Variants in LPA observed in about 807,000 individuals in gnomAD.
The protein encoded by LPA is lipoprotein(a).
LPA carries 199 observed loss-of-function variants against 197.9 expected under a neutral mutation model. That is an observed-to-expected ratio of 1.01 (90% confidence interval 0.90 to 1.13). The LOEUF (loss-of-function observed/expected upper bound fraction) is 1.13. LPA is among the 50% of genes most tolerant of loss of function. The pLI, the probability that LPA is intolerant of heterozygous loss-of-function variation, is 0.00. For missense variants in LPA, 1,853 were observed against 1,785.8 expected, an observed-to-expected ratio of 1.04 and a Z score of -0.68; for synonymous variants, 715 against 639.5, an observed-to-expected ratio of 1.12 and a Z score of -1.78.
rs757827567 is a variant in LPA, at chr6:160,556,163, A to G, written c.4835T>C (p.Val1612Ala). The G allele has an allele frequency of 6.2e-7, 1 of 1,613,954 alleles. No individual in the cohort carries two copies. Among genetic ancestry groups the G allele is most frequent in the East Asian group, 2.2e-5 (1 of 44,846 alleles). ...ATTACCATGGTAGCACTGCCGGACC[A>G]CAGGGGTTTGCTCAGTTGGTGCTGA... ...SEAAPTEQTP[V>A]VRQCYHGNGQ... Residue 1612 changes from valine (V) to alanine (A), a missense_variant, in exon 30 of 39, where the codon GTG becomes GCG. This residue lies in a region of LPA where 1,737 missense variants were observed against 1,504.4 expected (regional missense o/e 1.15). Transcript: ENST00000316300.
intron 1 of LPA, among the ~76,000 whole-genome samples, chr6:160,654,352 AC>A (rs71033586): frequency 0.034 from 5,152 of 151,340 alleles, 365 homozygotes; most frequent in Admixed American, 0.19. Flanking sequence ...CCACACTGGA[AC>A]TTGATTAGAT....
chr6:160,538,013 G>C, intron 36 of LPA, 52 bp from the exon 37 acceptor site: 1 of 1,513,354 alleles, frequency 6.6e-7, no homozygotes, highest in South Asian at 1.1e-5. Flanking sequence ...GGAAGTGGCA[G>C]TACCTACAAC....
chr6:160,578,846 C>G, intron 26 of LPA, 142 bp from the exon 27 acceptor site: 1 of 1,244,160 alleles, frequency 8.0e-7, no homozygotes, highest in Non-Finnish European at 1.1e-6. Context: ...TTGCCACAAG[C>G]ACAAATGGTC....
At chr6:160,593,609 TGGA>T (rs1779072380) in intron 22 of LPA, among the ~76,000 whole-genome samples, 2 of 152,178 alleles carry the variant, frequency 1.3e-5, no homozygotes. Flanking sequence ...CTTCAGGACT[TGGA>T]GATTAGAATG....
intron 28 of LPA, among the ~76,000 whole-genome samples, chr6:160,573,783 G>T (rs946196090): frequency 1.3e-5 from 2 of 152,150 alleles, no homozygotes; most frequent in African/African-American, 4.8e-5. Flanking sequence ...AACCATCTAT[G>T]GGTCTCTCAG....
At chr6:160,587,751 TTGTGTGTGTGTG>T (rs67979615) in intron 24 of LPA, among the ~76,000 whole-genome samples, 41 of 125,466 alleles carry the variant, frequency 3.3e-4, no homozygotes, top group Admixed American at 6.4e-4. Context: ...GGTTCAGTCT[TTGTGTGTGTGTG>T]TGTGTGTGTG....
At chr6:160,554,926 G>A (rs1198543210) in intron 30 of LPA, among the ~76,000 whole-genome samples, 3 of 152,054 alleles carry the variant, frequency 2.0e-5, no homozygotes, top group African/African-American at 7.2e-5. Flanking sequence ...AGGTTCTCCA[G>A]GAAGAAAGTC....
intron 25 of LPA, among the ~76,000 whole-genome samples, chr6:160,585,441 C>CA (rs1392192246): frequency 6.6e-6 from 1 of 151,918 alleles, no homozygotes; most frequent in Non-Finnish European, 1.5e-5. Context: ...AAGAAACAAA[C>CA]AAAAAACAGA....
intron 16 of LPA, among the ~76,000 whole-genome samples, chr6:160,610,815 G>A (rs945265348): frequency 2.0e-5 from 3 of 152,112 alleles, no homozygotes; most frequent in Admixed American, 1.3e-4. Flanking sequence ...GGCATCTATG[G>A]AGTTGAGCTC....
chr6:160,566,618 C>T (rs1025820181), intron 28 of LPA, among the ~76,000 whole-genome samples: 4 of 152,192 alleles, frequency 2.6e-5, no homozygotes, highest in African/African-American at 9.7e-5. Context: ...ATCATGATGA[C>T]AGGATCAAAT....
chr6:160,599,890 G>A (rs1383502230), intron 19 of LPA, among the ~76,000 whole-genome samples: 1 of 152,124 alleles, frequency 6.6e-6, no homozygotes, highest in Non-Finnish European at 1.5e-5. Context: ...AAAACTTAGT[G>A]GAAAAGAAAT....
chr6:160,656,020 G>A (rs1431538824), intron 1 of LPA, among the ~76,000 whole-genome samples: 1 of 152,192 alleles, frequency 6.6e-6, no homozygotes, highest in Non-Finnish European at 1.5e-5. Flanking sequence ...TGCATACCAG[G>A]CACCAGGAGA....
chr6:160,547,495 T>C (rs1490477183), intron 32 of LPA, among the ~76,000 whole-genome samples: 3 of 152,120 alleles, frequency 2.0e-5, no homozygotes, highest in Non-Finnish European at 4.4e-5. Flanking sequence ...TAATTACCAG[T>C]TCCAGTACCA....
At chr6:160,532,253 T>A (rs537353327) in intron 38 of LPA, among the ~76,000 whole-genome samples, 1 of 152,306 alleles carries the variant, frequency 6.6e-6, no homozygotes, top group South Asian at 2.1e-4. Context: ...ACCACTTCAG[T>A]CACTGGTGAC....
At chr6:160,641,123 C>T (rs1779846534) in intron 4 of LPA, among the ~76,000 whole-genome samples, 2 of 131,746 alleles carry the variant, frequency 1.5e-5, no homozygotes, top group African/African-American at 3.1e-5. Flanking sequence ...CACACGTGGC[C>T]GAAAAACGAT....
intron 28 of LPA, among the ~76,000 whole-genome samples, chr6:160,563,142 C>G (rs573632395): frequency 6.6e-6 from 1 of 152,128 alleles, no homozygotes; most frequent in African/African-American, 2.4e-5. Flanking sequence ...TTCTCTGGTT[C>G]TTTGAATTGT....
rs751352482 is a variant in LPA, at chr6:160,609,875, G to A, written c.2603+1687C>T. 2.1e-4 allele frequency among the ~76,000 whole-genome samples: 32 copies of A among 151,900 alleles called. 1 individual carries two copies. Among genetic ancestry groups the A allele is most frequent in the Non-Finnish European group, 2.9e-4 (20 of 67,996 alleles). On this transcript the variant is annotated intron_variant, in intron 16 of 38. Coordinates refer to ENST00000316300, the MANE Select transcript of LPA (RefSeq NM_005577.4). The stretch of plus-strand genomic sequence containing the variant: ...CTCATTCTGTAGGTTCTGCAGAATT[G>A]TTTTTGGTTAATTTTTTCTTCTGAA...
rs1166052923 is a variant in LPA, at chr6:160,611,543, G to A, written c.2603+19C>T. ...TCAGTTGGCCCTTTATTCTCTTATG[G>A]TAAAGAACAAAGACATACGCATTTG... On this transcript the variant is annotated intron_variant, in intron 16 of 38. Transcript: ENST00000316300. 8.7e-6 allele frequency: 14 copies of A among 1,606,968 alleles called. No homozygotes were observed. Among genetic ancestry groups the A allele is most frequent in the Non-Finnish European group, 1.2e-5 (14 of 1,179,030 alleles).
At chr6:160,608,628 GT>G (rs1261273058) in intron 16 of LPA, among the ~76,000 whole-genome samples, 2 of 151,994 alleles carry the variant, frequency 1.3e-5, no homozygotes, top group African/African-American at 2.4e-5. Flanking sequence ...TGAATTTCGT[GT>G]TTTTGCGATT....
Sources: allele counts gnomAD v4.1 joint callset (sites outside exome capture counted in the v4.1 genomes callset), GRCh38; gene constraint gnomAD v4.1.1; regional missense constraint gnomAD v4.1.1; transcripts MANE v1.5; gene names NCBI Gene and HGNC (gene_info 2026-07-23, HGNC 2026-07-21).